Variants in HSF2 observed in about 807,000 individuals in gnomAD.
HSF2 encodes the protein heat shock transcription factor 2, also known as heat shock factor protein 2.
A neutral mutation model predicts 65.0 loss-of-function variants in HSF2; 21 were observed. That is an observed-to-expected ratio of 0.32 (90% CI 0.23 to 0.47). The LOEUF is 0.47. Among genes scored for constraint, HSF2 ranks in the 20% least tolerant of loss-of-function variants. The pLI is 1.00. For synonymous variants in HSF2, 225 were observed against 219.1 expected (o/e 1.03, Z -0.24); for missense variants, 499 against 628.1 (o/e 0.79, Z 2.20).
Position 122,432,855 on chromosome 6 carries a change from A to C in HSF2, c.*635A>C, listed in dbSNP as rs543091433. On this transcript the variant is annotated 3_prime_UTR_variant, in exon 13 of 13. Coordinates refer to ENST00000368455, the MANE Select transcript of HSF2 (RefSeq NM_004506.4). ...AAAGATCGGGGGTGGGATGGGATGG[A>C]GTGAGCCCCATCCAGTTAGTTGGAC... The C allele has an allele frequency of 6.6e-6, 1 of 152,330 alleles. No individual in the cohort carries two copies. Among genetic ancestry groups the C allele is most frequent in the African/African-American group, 2.4e-5 (1 of 41,548 alleles). 9.4% of individuals were successfully genotyped at this position (152,330 alleles called of 1,614,324 possible).
chr6:122,432,091 A>G lies in HSF2; in HGVS notation c.1482A>G (p.Glu494=). Residue 494 remains glutamate (E), a synonymous_variant, in exon 13 of 13, where the codon GAA becomes GAG. Transcript: ENST00000368455. ...TTCTGGATAGCAGCCTAGACCCAGA[A>G]CCAACCCAAAGTAAGCTTGTTCGCC... ...DELLDSSLDP[E]PTQSKLVRLE... 2 of 1,614,128 alleles carry G rather than the reference A, an allele frequency of 1.2e-6. No individual in the cohort carries two copies. The highest frequency in any genetic ancestry group is 1.7e-6 in the Non-Finnish European group (2 of 1,179,988).
chr6:122,431,574 T>C, intron 12 of HSF2, 60 bp downstream of exon 12: 1 of 935,620 alleles, frequency 1.1e-6, no homozygotes, highest in Non-Finnish European at 1.7e-6. Flanking sequence ...CAGAAACAAG[T>C]GCAAGCCGAG....
chr6:122,411,903 A>C (rs1774005075), intron 1 of HSF2, among the ~76,000 whole-genome samples: 1 of 151,934 alleles, frequency 6.6e-6, no homozygotes, highest in Non-Finnish European at 1.5e-5. Context: ...CACGTATCTT[A>C]CTGAATTCTT....
chr6:122,417,864 A>T (rs1434563602), intron 5 of HSF2, among the ~76,000 whole-genome samples: 2 of 152,206 alleles, frequency 1.3e-5, no homozygotes, highest in Non-Finnish European at 2.9e-5. Context: ...TTAAGCTTAC[A>T]TATTGTCTTT....
intron 1 of HSF2, among the ~76,000 whole-genome samples, chr6:122,405,108 G>A (rs993208798): frequency 6.6e-6 from 1 of 151,954 alleles, no homozygotes; most frequent in African/African-American, 2.4e-5. Flanking sequence ...TACATTGAGT[G>A]GTGGATATCA....
At chr6:122,418,609 A>G (rs981223423) in intron 5 of HSF2, among the ~76,000 whole-genome samples, 12 of 152,082 alleles carry the variant, frequency 7.9e-5, no homozygotes, top group African/African-American at 2.9e-4. Context: ...ATAAACTTTT[A>G]TCTTTTTCTT....
At chr6:122,413,702 A>G (rs1267598633) in intron 4 of HSF2, 53 bp downstream of exon 4, 8 of 1,444,980 alleles carry the variant, frequency 5.5e-6, no homozygotes, top group South Asian at 4.8e-5. Context: ...GTATGTGTCT[A>G]TGTGTGTTGA....
At position 122,428,012 on chromosome 6, in the gene HSF2, T is replaced by G. The variant is rs975742917; in HGVS notation, c.1230+56T>G. On this transcript the variant is annotated intron_variant, in intron 11 of 12. Transcript: ENST00000368455. ...ATAGCTATAAAAATCTACAAAAACG[T>G]CCTAATAAGTAGAGAGCAATGTCAC... The G allele has an allele frequency of 2.4e-4, 262 of 1,102,180 alleles. 1 individual carries two copies. The highest frequency in any genetic ancestry group is 6.1e-4 in the Middle Eastern group (3 of 4,958). The allele number at this position is 1,102,180 out of a possible 1,614,324, so 68.3% of individuals were successfully genotyped here. A position where few individuals can be genotyped will look rare whatever the true frequency, so the allele number is the denominator to read the frequency against.
intron 11 of HSF2, 115 bp downstream of exon 11, chr6:122,428,071 C>A: frequency 1.8e-6 from 1 of 561,020 alleles, no homozygotes; most frequent in Non-Finnish European, 3.1e-6. Flanking sequence ...TATTCTTACC[C>A]AGTATGTGTG....
At chr6:122,421,360 C>A (rs1227186325) in intron 7 of HSF2, among the ~76,000 whole-genome samples, 1 of 151,850 alleles carries the variant, frequency 6.6e-6, no homozygotes, top group Non-Finnish European at 1.5e-5. Flanking sequence ...CAAACTTAAC[C>A]TCACATCTGA....
At chr6:122,417,827 T>G (rs1440501169) in intron 5 of HSF2, among the ~76,000 whole-genome samples, 6 of 152,200 alleles carry the variant, frequency 3.9e-5, no homozygotes, top group Admixed American at 3.9e-4. Context: ...TTAAAAAAAC[T>G]GAAGTCGAAT....
intron 1 of HSF2, among the ~76,000 whole-genome samples, chr6:122,400,422 T>C (rs1773701906): frequency 6.6e-6 from 1 of 152,194 alleles, no homozygotes; most frequent in African/African-American, 2.4e-5. Flanking sequence ...ATATAGAAAT[T>C]AACAAATTAT....
intron 10 of HSF2, among the ~76,000 whole-genome samples, chr6:122,424,253 C>A (rs1242722389): frequency 6.6e-6 from 1 of 151,950 alleles, no homozygotes; most frequent in Non-Finnish European, 1.5e-5. Context: ...CACTAACCAC[C>A]TTTCTTACTC....
chr6:122,421,162 A>G (rs1774226898), intron 7 of HSF2, among the ~76,000 whole-genome samples: 1 of 152,096 alleles, frequency 6.6e-6, no homozygotes, highest in Non-Finnish European at 1.5e-5. Flanking sequence ...CCAGCAATTT[A>G]AATTTTTACC....
rs372641901 is a variant in HSF2 at position 122,420,357 on chromosome 6, CA to C, written c.681+136del. The C allele has an allele frequency of 1.8e-3, 1,050 of 596,912 alleles. 9 individuals carry two copies. The African/African-American group carries it at 0.018, about 10-fold the overall frequency. The allele number at this position is 596,912 out of a possible 1,614,324, so 37.0% of individuals were successfully genotyped here. ...ATCCCACAGCTTTGTTAAATTGTGA[CA>C]TTTTTTATTATTTGCTTTAGATTAT... On this transcript the variant is annotated intron_variant, in intron 7 of 12. Coordinates refer to ENST00000368455, the MANE Select transcript of HSF2 (RefSeq NM_004506.4).
chr6:122,414,414 A>T (rs905047672), intron 4 of HSF2, among the ~76,000 whole-genome samples: 3 of 152,192 alleles, frequency 2.0e-5, no homozygotes, highest in Admixed American at 2.0e-4. Context: ...AAATATCTTC[A>T]TTAAAAGAGG....
intron 8 of HSF2, 88 bp from the exon 9 acceptor site, chr6:122,422,630 G>A: frequency 7.3e-7 from 1 of 1,367,860 alleles, no homozygotes; most frequent in South Asian, 1.3e-5. Flanking sequence ...TGTGGTATGG[G>A]GAGAGAGTTT....
At chr6:122,418,591 A>G (rs1022600579) in intron 5 of HSF2, among the ~76,000 whole-genome samples, 1 of 152,174 alleles carries the variant, frequency 6.6e-6, no homozygotes, top group African/African-American at 2.4e-5. Context: ...TCTTTATAGA[A>G]TCAGACAATA....
intron 1 of HSF2, among the ~76,000 whole-genome samples, chr6:122,411,574 G>T (rs1773995468): frequency 6.6e-6 from 1 of 151,818 alleles, no homozygotes; most frequent in Non-Finnish European, 1.5e-5. Context: ...TTGTGTTTAG[G>T]TCTTTGATTG....
Sources: gnomAD v4.1 joint callset for allele counts (sites outside exome capture counted in the v4.1 genomes callset) on GRCh38, gnomAD v4.1.1 for gene constraint, MANE v1.5 for transcripts, NCBI Gene and HGNC (gene_info 2026-07-23, HGNC 2026-07-21) for gene names.